ZKSCAN1: variants seen among roughly 807,000 people sequenced by gnomAD.
The protein encoded by ZKSCAN1 is zinc finger protein with KRAB and SCAN domains 1.
In ZKSCAN1, 14 loss-of-function variants were observed where a neutral mutation model predicts 51.6. That is an observed-to-expected ratio of 0.27 (90% CI 0.18 to 0.42). The LOEUF is 0.42. Ranked by LOEUF, ZKSCAN1 falls within the 10% of genes least tolerant of loss-of-function variation. The pLI is 1.00. For synonymous variants in ZKSCAN1, 263 were observed against 261.5 expected, an observed-to-expected ratio of 1.01 and a Z score of -0.06; for missense variants, 531 against 710.0, an observed-to-expected ratio of 0.75 and a Z score of 2.86.
At chr7:100,031,452 A>G (rs1273064231) in intron 5 of ZKSCAN1, among the ~76,000 whole-genome samples, 3 of 151,702 alleles carry the variant, frequency 2.0e-5, no homozygotes, top group African/African-American at 4.8e-5. Context: ...TAATTTTTAC[A>G]TGTTCTGTAG....
At position 100,034,254 on chromosome 7, in the gene ZKSCAN1, A is replaced by G. The variant is rs141612433; in HGVS notation, c.*57A>G. On this transcript the variant is annotated 3_prime_UTR_variant, in exon 6 of 6. Transcript: ENST00000324306. ...TTTTGTTTCTAAAATTATTTCAGAG[A>G]TGTGTGCTCCTGGAGGGAAAAAGAA... The G allele has an allele frequency of 1.8e-5, 27 of 1,499,636 alleles. No individual in the cohort carries two copies. In the African/African-American group the frequency reaches 2.9e-4, roughly 16 times the overall value. 92.9% of individuals were successfully genotyped at this position (1,499,636 alleles called of 1,614,324 possible).
At chr7:100,026,372 T>C (rs1259366481) in intron 3 of ZKSCAN1, among the ~76,000 whole-genome samples, 1 of 151,700 alleles carries the variant, frequency 6.6e-6, no homozygotes, top group Non-Finnish European at 1.5e-5. Context: ...TACTCTACCA[T>C]AGACTGTAGA....
chr7:100,024,621 T>A (rs1345272105), intron 3 of ZKSCAN1: 1 of 266,268 alleles, frequency 3.8e-6, no homozygotes, highest in Non-Finnish European at 7.3e-6. Context: ...AGAATTAGGC[T>A]CGGCACGGTA....
chr7:100,034,589 T>C lies in ZKSCAN1; in HGVS notation c.*392T>C. On this transcript the variant is annotated 3_prime_UTR_variant, in exon 6 of 6. Coordinates refer to ENST00000324306, the MANE Select transcript of ZKSCAN1 (RefSeq NM_003439.4). ...AGTGATACGGAGGTTAGGATGCTAC[T>C]TGCTGCAAACAAGCCCTACTTTGGC... 1 of 997,514 alleles carries C rather than the reference T, an allele frequency of 1.0e-6. No homozygotes were observed. Among genetic ancestry groups the C allele is most frequent in the Non-Finnish European group, 1.2e-6 (1 of 837,488 alleles). 61.8% of individuals were successfully genotyped at this position (997,514 alleles called of 1,614,324 possible). A position where few individuals can be genotyped will look rare whatever the true frequency, so the allele number is the denominator to read the frequency against.
In ZKSCAN1 at chr7:100,038,337, A is replaced by G; in HGVS notation, c.*4140A>G. The G allele has an allele frequency of 1.0e-6, 1 of 985,498 alleles. No homozygotes were observed. The highest frequency in any genetic ancestry group is 1.2e-6 in the Non-Finnish European group (1 of 829,934). The allele number at this position is 985,498 out of a possible 1,614,324, so 61.0% of individuals were successfully genotyped here. A position where few individuals can be genotyped will look rare whatever the true frequency, so the allele number is the denominator to read the frequency against. On this transcript the variant is annotated 3_prime_UTR_variant, in exon 6 of 6. Coordinates refer to ENST00000324306, the MANE Select transcript of ZKSCAN1 (RefSeq NM_003439.4). ...GAAGAAATCAGTGTGATTGTAGACAAAAAGTCGGTTCACAGAACGGAGCAG... is the reference window on the plus strand; with the variant it reads ...GAAGAAATCAGTGTGATTGTAGACAGAAAGTCGGTTCACAGAACGGAGCAG...
At position 100,040,874 on chromosome 7, in the gene ZKSCAN1, G is replaced by A. The variant is rs745605595; in HGVS notation, c.*6677G>A. On this transcript the variant is annotated 3_prime_UTR_variant, in exon 6 of 6. Transcript: ENST00000324306. ...TAGATTAGAGATGCTTCTGCTGATCGCAGGGGTTCTTATTTGAAAACATCT... is the reference window on the plus strand; with the variant it reads ...TAGATTAGAGATGCTTCTGCTGATCACAGGGGTTCTTATTTGAAAACATCT... The A allele has an allele frequency of 1.2e-3, 1,231 of 985,242 alleles. No homozygotes were observed. Among genetic ancestry groups the A allele is most frequent in the Non-Finnish European group, 1.4e-3 (1,186 of 829,934 alleles). The allele number at this position is 985,242 out of a possible 1,614,324, so 61.0% of individuals were successfully genotyped here. A position where few individuals can be genotyped will look rare whatever the true frequency, so the allele number is the denominator to read the frequency against.
At position 100,037,821 on chromosome 7, in the gene ZKSCAN1, GC is replaced by G; in HGVS notation, c.*3626del. ...TCACGAGGTCAGTAGTTCGAGACCAGCCTGGCCAACATGGTGAAACCTTGTC... is the reference window on the plus strand; with the variant it reads ...TCACGAGGTCAGTAGTTCGAGACCAGCTGGCCAACATGGTGAAACCTTGTC... On this transcript the variant is annotated 3_prime_UTR_variant, in exon 6 of 6. Transcript: ENST00000324306. The G allele has an allele frequency of 1.3e-6, 1 of 771,588 alleles. No individual in the cohort carries two copies. The highest frequency in any genetic ancestry group is 1.9e-5 in the African/African-American group (1 of 52,828). The allele number at this position is 771,588 out of a possible 1,614,324, so 47.8% of individuals were successfully genotyped here. A position where few individuals can be genotyped will look rare whatever the true frequency, so the allele number is the denominator to read the frequency against.
rs1791598200 is a variant in ZKSCAN1 at position 100,041,626 on chromosome 7, T to C, written c.*7429T>C. On this transcript the variant is annotated 3_prime_UTR_variant, in exon 6 of 6. Transcript: ENST00000324306. ...AAGGAAATTGTGGGGATTTGAAATA[T>C]TCTCTTTATGTTGTTTCTCTTCTGA... is the stretch of plus-strand genomic sequence containing the variant. The C allele has an allele frequency of 6.1e-6, 6 of 985,408 alleles. No homozygotes were observed. The highest frequency in any genetic ancestry group is 7.2e-6 in the Non-Finnish European group (6 of 829,912). 61.0% of individuals were successfully genotyped at this position (985,408 alleles called of 1,614,324 possible). A position where few individuals can be genotyped will look rare whatever the true frequency, so the allele number is the denominator to read the frequency against.
At chr7:100,025,641 A>G (rs1329130228) in intron 3 of ZKSCAN1, among the ~76,000 whole-genome samples, 1 of 152,228 alleles carries the variant, frequency 6.6e-6, no homozygotes, top group Non-Finnish European at 1.5e-5. Flanking sequence ...AACATCATAA[A>G]GTATACTTAT....
chr7:100,044,671 A>G, downstream of ZKSCAN1: 7 of 572,352 alleles, frequency 1.2e-5, no homozygotes, highest in Non-Finnish European at 1.5e-5. Context: ...ATGGCGTGAG[A>G]CTCTATCTCA....
At chr7:100,044,806 A>G (rs987986934), downstream of ZKSCAN1, 12 of 985,098 alleles carry the variant, frequency 1.2e-5, no homozygotes, top group Admixed American at 7.4e-4. Context: ...CAGCTTTCCA[A>G]CATGCTGCAC....
intron 1 of ZKSCAN1, among the ~76,000 whole-genome samples, chr7:100,021,528 T>C (rs1368387490): frequency 6.6e-6 from 1 of 152,160 alleles, no homozygotes; most frequent in Non-Finnish European, 1.5e-5. Flanking sequence ...CATACAGCTG[T>C]TCCTGTAATT....
chr7:100,027,675 G>A (rs558339569), intron 3 of ZKSCAN1, among the ~76,000 whole-genome samples: 1 of 150,316 alleles, frequency 6.7e-6, no homozygotes, highest in Non-Finnish European at 1.5e-5. Context: ...GTGAACCCGG[G>A]AGGCGGAGCT....
Position 100,023,558 on chromosome 7 carries a change from C to G in ZKSCAN1, c.52C>G (p.Gln18Glu), listed in dbSNP as rs1367443080. The G allele has an allele frequency of 6.2e-7, 1 of 1,613,426 alleles. No individual in the cohort carries two copies. Residue 18 changes from glutamine to glutamate, a missense_variant, in exon 2 of 6, where the codon CAG becomes GAG. By Grantham distance (29) the Gln-to-Glu change is conservative (BLOSUM62 2). This residue lies in a region of ZKSCAN1 where 403 missense variants were observed against 490.5 expected (regional missense o/e 0.82). Coordinates refer to ENST00000324306, the MANE Select transcript of ZKSCAN1 (RefSeq NM_003439.4). ...EATGLSPQAA[Q>E]EKDGIVIVKV... The stretch of plus-strand genomic sequence containing the variant: ...CACGGGTCTGTCCCCACAGGCTGCA[C>G]AGGAGAAGGATGGTATCGTAATAGT...
Position 100,041,684 on chromosome 7 carries a change from G to A in ZKSCAN1, c.*7487G>A, listed in dbSNP as rs928353964. 5.1e-6 allele frequency: 5 copies of A among 985,246 alleles called. No individual in the cohort carries two copies. The highest frequency in any genetic ancestry group is 1.7e-5 in the African/African-American group (1 of 57,200). The allele number at this position is 985,246 out of a possible 1,614,324, so 61.0% of individuals were successfully genotyped here. On this transcript the variant is annotated 3_prime_UTR_variant, in exon 6 of 6. Transcript: ENST00000324306. ...TAAAACAATAAATTATCATCTCTAG[G>A]TGGCAGTGCTTGTGCTGGTTTGTTT...
At chr7:100,032,927 C>G (rs1015532337) in intron 5 of ZKSCAN1, among the ~76,000 whole-genome samples, 7 of 151,270 alleles carry the variant, frequency 4.6e-5, no homozygotes, top group South Asian at 4.2e-4. Flanking sequence ...AGAATGGCGT[C>G]AACCTGGGAG....
Position 100,036,855 on chromosome 7 carries a change from C to G in ZKSCAN1, c.*2658C>G, listed in dbSNP as rs375904185. ...TTGGTTTTTTTTTTTCTTTCAGCCA[C>G]AACTATATGCTGATATAACTCAGCC... On this transcript the variant is annotated 3_prime_UTR_variant, in exon 6 of 6. Transcript: ENST00000324306. 1.4e-5 allele frequency: 14 copies of G among 983,650 alleles called. No homozygotes were observed. In the East Asian group the frequency reaches 1.5e-3, roughly 104 times the overall value. The allele number at this position is 983,650 out of a possible 1,614,324, so 60.9% of individuals were successfully genotyped here. A position where few individuals can be genotyped will look rare whatever the true frequency, so the allele number is the denominator to read the frequency against.
At chr7:100,027,221 G>C (rs528942820) in intron 3 of ZKSCAN1, among the ~76,000 whole-genome samples, 2 of 151,742 alleles carry the variant, frequency 1.3e-5, no homozygotes, top group Non-Finnish European at 2.9e-5. Flanking sequence ...GCTTGAACCC[G>C]GGAGGTGGAG....
Position 100,040,794 on chromosome 7 carries a change from A to G in ZKSCAN1, c.*6597A>G. 1 of 985,408 alleles carries G rather than the reference A, an allele frequency of 1.0e-6. No individual in the cohort carries two copies. Among genetic ancestry groups the G allele is most frequent in the Non-Finnish European group, 1.2e-6 (1 of 829,936 alleles). The allele number at this position is 985,408 out of a possible 1,614,324, so 61.0% of individuals were successfully genotyped here. On this transcript the variant is annotated 3_prime_UTR_variant, in exon 6 of 6. Transcript: ENST00000324306. ...CTTCCCCTCACCTCAACCAGAGAAG[A>G]GCATCCGGTTGCTTTTTAAAGCTTT...
Sources: gnomAD v4.1 joint callset for allele counts (sites outside exome capture counted in the v4.1 genomes callset) on GRCh38, gnomAD v4.1.1 for gene constraint, gnomAD v4.1.1 regional missense constraint, MANE v1.5 for transcripts, NCBI Gene and HGNC (gene_info 2026-07-23, HGNC 2026-07-21) for gene names.